ATP6V1H: variants seen among roughly 807,000 people sequenced by gnomAD.
The protein encoded by ATP6V1H is ATPase H+ transporting V1 subunit H.
Under a neutral mutation model 71.7 loss-of-function variants are expected in ATP6V1H, and 39 were observed. That is an observed-to-expected ratio of 0.54 (90% CI 0.42 to 0.71). The LOEUF (loss-of-function observed/expected upper bound fraction) is 0.71. Among genes scored for constraint, ATP6V1H ranks in the 30% least tolerant of loss-of-function variants. ATP6V1H has a pLI of 0.00. For synonymous variants in ATP6V1H, 192 were observed against 199.3 expected, an observed-to-expected ratio of 0.96 and a Z score of 0.31; for missense variants, 509 against 594.9, an observed-to-expected ratio of 0.86 and a Z score of 1.50.
chr8:53,748,099 A>T (rs1278234196), intron 12 of ATP6V1H, among the ~76,000 whole-genome samples: 1 of 151,902 alleles, frequency 6.6e-6, no homozygotes, highest in Non-Finnish European at 1.5e-5. Flanking sequence ...TGGAGGTTGC[A>T]GTGAGCCGAG....
rs200813214 is a variant in ATP6V1H at position 53,739,028 on chromosome 8, CATA to C, written c.1391+4546_1391+4548del. Reference sequence around the variant, plus strand: ...TCAAATGTTCCTCCACTAAAAATGTCATAATAATGTGGAAAATTCCAGGTACCC... The same window carrying C: ...TCAAATGTTCCTCCACTAAAAATGTCATAATGTGGAAAATTCCAGGTACCC... On this transcript the variant is annotated intron_variant, in intron 13 of 13. Coordinates refer to ENST00000359530, the MANE Select transcript of ATP6V1H (RefSeq NM_015941.4). 8.1e-3 allele frequency among the ~76,000 whole-genome samples: 1,236 copies of C among 152,112 alleles called. 2 individuals are homozygous for C. The highest frequency in any genetic ancestry group is 0.015 in the South Asian group (74 of 4,824).
chr8:53,762,005 C>A (rs1808288154), intron 11 of ATP6V1H, among the ~76,000 whole-genome samples: 1 of 152,162 alleles, frequency 6.6e-6, no homozygotes, highest in Non-Finnish European at 1.5e-5. Flanking sequence ...CAACACAGAA[C>A]TATTTATACC....
At chr8:53,734,017 C>G (rs1807115563) in intron 13 of ATP6V1H, among the ~76,000 whole-genome samples, 1 of 152,216 alleles carries the variant, frequency 6.6e-6, no homozygotes, top group East Asian at 1.9e-4. Flanking sequence ...AGGGCCTTAA[C>G]AGCAACTGCC....
At chr8:53,782,110 G>A (rs1485248848) in intron 9 of ATP6V1H, among the ~76,000 whole-genome samples, 1 of 152,152 alleles carries the variant, frequency 6.6e-6, no homozygotes, top group Non-Finnish European at 1.5e-5. Flanking sequence ...GGATGGCACT[G>A]AATCTATAAA....
chr8:53,732,912 G>C (rs1807074094), intron 13 of ATP6V1H, among the ~76,000 whole-genome samples: 2 of 152,132 alleles, frequency 1.3e-5, no homozygotes, highest in African/African-American at 4.8e-5. Context: ...CGAGAGGCCA[G>C]GGAAGGAAGT....
At chr8:53,838,431 C>A (rs956020883) in intron 2 of ATP6V1H, among the ~76,000 whole-genome samples, 25 of 152,104 alleles carry the variant, frequency 1.6e-4, no homozygotes, top group African/African-American at 6.0e-4. Flanking sequence ...CTGTGAGTGT[C>A]TTTATGCGTT....
At position 53,785,480 on chromosome 8, in the gene ATP6V1H, T is replaced by C. The variant is rs550037435; in HGVS notation, c.870+10167A>G. ...GTTTTTAACTTCTTTACCATTGGTT[T>C]GAACTTCCTCCTTTAGCTCGGAGTA... On this transcript the variant is annotated intron_variant, in intron 9 of 13. Coordinates refer to ENST00000359530, the MANE Select transcript of ATP6V1H (RefSeq NM_015941.4). Among the ~76,000 whole-genome samples the C allele has an allele frequency of 2.2e-3, 339 of 152,358 alleles. 2 individuals are homozygous for C. The highest frequency in any genetic ancestry group is 7.9e-3 in the African/African-American group (328 of 41,572).
At chr8:53,749,435 G>A (rs1807717821) in intron 12 of ATP6V1H, among the ~76,000 whole-genome samples, 1 of 152,162 alleles carries the variant, frequency 6.6e-6, no homozygotes, top group Non-Finnish European at 1.5e-5. Flanking sequence ...TGAGGGTGCT[G>A]TTTCAGCTCG....
intron 3 of ATP6V1H, chr8:53,831,788 G>C (rs941993124): frequency 8.0e-6 from 1 of 124,416 alleles, no homozygotes; most frequent in Admixed American, 9.3e-5. Flanking sequence ...TAGTAGAGAC[G>C]AAGTTTTACC....
At chr8:53,778,966 A>G (rs1454239329) in intron 9 of ATP6V1H, among the ~76,000 whole-genome samples, 5 of 152,230 alleles carry the variant, frequency 3.3e-5, no homozygotes, top group Admixed American at 3.3e-4. Flanking sequence ...AAAGAAGGAT[A>G]TTTCACAATG....
At chr8:53,756,416 TCTCA>T (rs1808065511) in intron 12 of ATP6V1H, 135 bp downstream of exon 12, 1 of 632,114 alleles carries the variant, frequency 1.6e-6, no homozygotes, top group Admixed American at 3.0e-5. Flanking sequence ...TTATCATAAT[TCTCA>T]CTATTGTGGC....
At chr8:53,798,465 G>A (rs980476780) in intron 8 of ATP6V1H, among the ~76,000 whole-genome samples, 3 of 151,986 alleles carry the variant, frequency 2.0e-5, no homozygotes, top group African/African-American at 7.3e-5. Flanking sequence ...AGGTTGCAGT[G>A]AGCTGAGATT....
At chr8:53,818,430 A>G (rs1368856331) in intron 4 of ATP6V1H, among the ~76,000 whole-genome samples, 3 of 152,194 alleles carry the variant, frequency 2.0e-5, no homozygotes, top group African/African-American at 7.2e-5. Context: ...TTTTAAATAT[A>G]GTGGGGTTTT....
At chr8:53,808,767 C>T (rs1810176150) in intron 7 of ATP6V1H, among the ~76,000 whole-genome samples, 1 of 150,664 alleles carries the variant, frequency 6.6e-6, no homozygotes, top group African/African-American at 2.4e-5. Context: ...CACCACTGCA[C>T]TCCAACCTGG....
chr8:53,736,730 G>A (rs566374803), intron 13 of ATP6V1H, among the ~76,000 whole-genome samples: 9 of 152,144 alleles, frequency 5.9e-5, no homozygotes, highest in Non-Finnish European at 1.0e-4. Flanking sequence ...GTGAAAATGA[G>A]AATGAGAACT....
At chr8:53,814,863 T>A (rs963921844) in intron 5 of ATP6V1H, 97 bp from the exon 6 acceptor site, 3 of 745,944 alleles carry the variant, frequency 4.0e-6, no homozygotes, top group African/African-American at 1.8e-5. Flanking sequence ...TGCTACACAA[T>A]TTCTTAACAC....
At chr8:53,730,860 G>C (rs966721143) in intron 13 of ATP6V1H, among the ~76,000 whole-genome samples, 1 of 152,140 alleles carries the variant, frequency 6.6e-6, no homozygotes, top group African/African-American at 2.4e-5. Context: ...ACTGTGGGAA[G>C]GGGAGCAGTA....
intron 4 of ATP6V1H, among the ~76,000 whole-genome samples, chr8:53,817,892 A>T (rs1436746472): frequency 1.3e-5 from 2 of 152,176 alleles, no homozygotes; most frequent in African/African-American, 4.8e-5. Context: ...AAAATCGGAA[A>T]GGGAGCAGGA....
In ATP6V1H at chr8:53,782,706, G is replaced by A. The variant is rs1377067177; in HGVS notation, c.871-10539C>T. Among the ~76,000 whole-genome samples the A allele has an allele frequency of 2.0e-5, 3 of 152,276 alleles. No individual in the cohort carries two copies. In the East Asian group the frequency reaches 5.8e-4, roughly 29 times the overall value. ...TCATAGATAGCTCTTAGTATTTTGAGATACGTCCCATCAATACCTAATTTA... is the reference window on the plus strand; with the variant it reads ...TCATAGATAGCTCTTAGTATTTTGAAATACGTCCCATCAATACCTAATTTA... On this transcript the variant is annotated intron_variant, in intron 9 of 13. Transcript: ENST00000359530.
Sources: allele counts gnomAD v4.1 joint callset (sites outside exome capture counted in the v4.1 genomes callset), GRCh38; gene constraint gnomAD v4.1.1; transcripts MANE v1.5; gene names NCBI Gene and HGNC (gene_info 2026-07-23, HGNC 2026-07-21).